The following CCSER1 variants were observed in gnomAD, a reference collection of about 807,000 sequenced individuals.
CCSER1 encodes serine-rich coiled-coil domain-containing protein 1.
A neutral mutation model predicts 82.0 loss-of-function variants in CCSER1; 41 were observed. The ratio of observed to expected loss-of-function variants is 0.50; its 90% CI spans 0.39 to 0.65. CCSER1 has a LOEUF of 0.65. Among genes scored for constraint, CCSER1 ranks in the 30% least tolerant of loss-of-function variants. The probability of loss-of-function intolerance (pLI) is 0.00; values close to 1 mark genes in which losing one functional copy is unlikely to be tolerated. For synonymous variants in CCSER1, 414 were observed against 383.9 expected (o/e 1.08, Z -0.92); for missense variants, 1,119 against 1,064.2 (o/e 1.05, Z -0.72).
At chr4:91,055,621 C>T (rs1743374509) in intron 9 of CCSER1, among the ~76,000 whole-genome samples, 1 of 152,070 alleles carries the variant, frequency 6.6e-6, no homozygotes, top group Admixed American at 6.6e-5. Context: ...TCAATGTGTG[C>T]TTGAGTTCAT....
chr4:90,601,967 G>A (rs546261541), intron 5 of CCSER1, among the ~76,000 whole-genome samples: 1 of 151,960 alleles, frequency 6.6e-6, no homozygotes, highest in African/African-American at 2.4e-5. Flanking sequence ...TTTTGGTCCT[G>A]AATATGATCT....
chr4:91,298,976 GAGAAAGGCAA>G (rs1368131735), intron 10 of CCSER1, among the ~76,000 whole-genome samples: 14 of 152,068 alleles, frequency 9.2e-5, no homozygotes, highest in African/African-American at 3.4e-4. Context: ...GTGAACTGGT[GAGAAAGGCAA>G]ATACTTTGGA....
rs182212461 is a variant in CCSER1, at chr4:91,555,104, A to G, written c.2218-43468A>G. On this transcript the variant is annotated intron_variant, in intron 10 of 10. Transcript: ENST00000509176. ...ATTGCTAAAAGAAAATATATGAGGA[A>G]AGCTTCTTGCCATTGGTCTGCAAAA... is the stretch of plus-strand genomic sequence containing the variant. Among the ~76,000 whole-genome samples, 667 of 151,360 alleles carry G rather than the reference A, an allele frequency of 4.4e-3. 22 individuals are homozygous for G. The highest frequency in any genetic ancestry group is 0.015 in the African/African-American group (620 of 41,274).
At chr4:91,075,965 AGCCAC>A (rs1168393388) in intron 9 of CCSER1, among the ~76,000 whole-genome samples, 1 of 152,164 alleles carries the variant, frequency 6.6e-6, no homozygotes, top group Non-Finnish European at 1.5e-5. Flanking sequence ...TCCACATTCA[AGCCAC>A]CTGACCTTCC....
intron 5 of CCSER1, among the ~76,000 whole-genome samples, chr4:90,552,662 G>C (rs1176232270): frequency 6.6e-6 from 1 of 151,936 alleles, no homozygotes; most frequent in Admixed American, 6.6e-5. Context: ...TTGCCGTGTT[G>C]CCCAGGCTGA....
chr4:90,331,026 T>C (rs1440262145), intron 3 of CCSER1, among the ~76,000 whole-genome samples: 2 of 152,028 alleles, frequency 1.3e-5, no homozygotes, highest in Non-Finnish European at 2.9e-5. Flanking sequence ...TAAAACAATA[T>C]AAAATACAGT....
chr4:91,422,542 TAGG>T (rs552620782), intron 10 of CCSER1, among the ~76,000 whole-genome samples: 1 of 152,158 alleles, frequency 6.6e-6, no homozygotes, highest in South Asian at 2.1e-4. Flanking sequence ...AACAGAGAAT[TAGG>T]AGGACATTGG....
At chr4:90,816,135 G>A (rs1258050157) in intron 8 of CCSER1, among the ~76,000 whole-genome samples, 1 of 152,120 alleles carries the variant, frequency 6.6e-6, no homozygotes, top group African/African-American at 2.4e-5. Flanking sequence ...GAAGGCTTAG[G>A]CCACATTGTT....
rs146048498 is a variant in CCSER1 at position 90,178,778 on chromosome 4, C to T, written c.-42+50947C>T. On this transcript the variant is annotated intron_variant, in intron 1 of 10. Coordinates refer to ENST00000509176, the MANE Select transcript of CCSER1 (RefSeq NM_001145065.2). Reference sequence around the variant, plus strand: ...AGGCTCATGAACTGATCATTTTGCTCCTAAGGCGAGAAGTTTGTGGTGATT... The same window carrying T: ...AGGCTCATGAACTGATCATTTTGCTTCTAAGGCGAGAAGTTTGTGGTGATT... Among the ~76,000 whole-genome samples, 275 of 152,128 alleles carry T rather than the reference C, an allele frequency of 1.8e-3. 3 individuals carry two copies. The highest frequency in any genetic ancestry group is 5.7e-3 in the African/African-American group (236 of 41,518).
rs561147100 is a variant in CCSER1 at position 91,033,030 on chromosome 4, G to C, written c.2173-52920G>C. ...TATTTTGAAACACTCTGTGAGAGAC[G>C]AACATAGGAGAAAATACATACAAAT... On this transcript the variant is annotated intron_variant, in intron 9 of 10. Transcript: ENST00000509176. 1.5e-3 allele frequency among the ~76,000 whole-genome samples: 231 copies of C among 149,692 alleles called. 1 individual carries two copies. Among genetic ancestry groups the C allele is most frequent in the Non-Finnish European group, 2.6e-3 (177 of 67,646 alleles).
At chr4:90,865,501 T>C (rs1765623154) in intron 8 of CCSER1, among the ~76,000 whole-genome samples, 1 of 152,048 alleles carries the variant, frequency 6.6e-6, no homozygotes, top group African/African-American at 2.4e-5. Flanking sequence ...CTCTGATATG[T>C]GTTTGCCTTT....
At chr4:90,761,153 G>A (rs1750353924) in intron 7 of CCSER1, among the ~76,000 whole-genome samples, 1 of 152,072 alleles carries the variant, frequency 6.6e-6, no homozygotes, top group Non-Finnish European at 1.5e-5. Flanking sequence ...AGATGATGCT[G>A]TCGTTACTAA....
chr4:90,287,279 A>C (rs193261824), intron 1 of CCSER1, among the ~76,000 whole-genome samples: 14 of 152,098 alleles, frequency 9.2e-5, no homozygotes, highest in Middle Eastern at 6.8e-3. Context: ...TAGAAGTAAA[A>C]TGTATAAGTT....
chr4:91,261,055 G>A (rs1423828866), intron 10 of CCSER1, among the ~76,000 whole-genome samples: 1 of 152,202 alleles, frequency 6.6e-6, no homozygotes, highest in Non-Finnish European at 1.5e-5. Context: ...GGGCCACCAC[G>A]CCCGGCTTCC....
At chr4:91,381,305 T>C (rs565174304) in intron 10 of CCSER1, among the ~76,000 whole-genome samples, 9 of 152,294 alleles carry the variant, frequency 5.9e-5, no homozygotes, top group African/African-American at 1.2e-4. Flanking sequence ...CCTTGCTAGA[T>C]TGGGGAAGTT....
chr4:90,274,066 G>A (rs991634196), intron 1 of CCSER1, among the ~76,000 whole-genome samples: 1 of 152,090 alleles, frequency 6.6e-6, no homozygotes, highest in Non-Finnish European at 1.5e-5. Context: ...AACATCTGTA[G>A]GTGCATACTA....
intron 4 of CCSER1, among the ~76,000 whole-genome samples, chr4:90,413,867 T>G (rs1468680317): frequency 2.2e-5 from 3 of 139,530 alleles, no homozygotes; most frequent in Non-Finnish European, 4.5e-5. Context: ...GAGAATGGCG[T>G]GAACCCGGGA....
At chr4:91,260,460 G>T (rs1741023290) in intron 10 of CCSER1, among the ~76,000 whole-genome samples, 1 of 152,314 alleles carries the variant, frequency 6.6e-6, no homozygotes, top group South Asian at 2.1e-4. Context: ...TGTAAGGGGA[G>T]AAATGTTAGT....
At chr4:91,378,525 G>A (rs1444713192) in intron 10 of CCSER1, among the ~76,000 whole-genome samples, 1 of 152,186 alleles carries the variant, frequency 6.6e-6, no homozygotes, top group African/African-American at 2.4e-5. Flanking sequence ...GTAAATGGGA[G>A]TTCACTCATG....
Sources: allele counts gnomAD v4.1 joint callset (sites outside exome capture counted in the v4.1 genomes callset), GRCh38; gene constraint gnomAD v4.1.1; transcripts MANE v1.5; gene names NCBI Gene and HGNC (gene_info 2026-07-23, HGNC 2026-07-21).